ADAMTS9: variants seen among roughly 807,000 people sequenced by gnomAD.
ADAMTS9 encodes A disintegrin and metalloproteinase with thrombospondin motifs 9.
A neutral mutation model predicts 257.1 loss-of-function variants in ADAMTS9; 107 were observed. That is an observed-to-expected ratio of 0.42 (90% CI 0.36 to 0.49). The LOEUF is 0.49. Ranked by LOEUF, ADAMTS9 falls within the 20% of genes least tolerant of loss-of-function variation. The probability of loss-of-function intolerance (pLI) is 0.03; values close to 1 mark genes in which losing one functional copy is unlikely to be tolerated. For missense variants in ADAMTS9, 2,353 were observed against 2,469.1 expected (o/e 0.95, Z 1.00); for synonymous variants, 982 against 880.9 (o/e 1.11, Z -2.03).
At chr3:64,672,317 G>T (rs896195710) in intron 3 of ADAMTS9, among the ~76,000 whole-genome samples, 1 of 152,206 alleles carries the variant, frequency 6.6e-6, no homozygotes, top group Non-Finnish European at 1.5e-5. Flanking sequence ...AACAGGGAAA[G>T]GTCCTGAGAT....
chr3:64,627,090 G>GATAAAAAGGAGGAA (rs1309921789), intron 16 of ADAMTS9, among the ~76,000 whole-genome samples: 2 of 152,260 alleles, frequency 1.3e-5, no homozygotes, highest in Admixed American at 6.5e-5. Flanking sequence ...CTGATGTCTT[G>GATAAAAAGGAGGAA]ATAAAAAGGA....
At chr3:64,518,678 G>T (rs1229021800) in intron 39 of ADAMTS9, among the ~76,000 whole-genome samples, 2 of 152,004 alleles carry the variant, frequency 1.3e-5, no homozygotes, top group African/African-American at 4.8e-5. Context: ...GAGTAACAGG[G>T]GTGTGGCACA....
chr3:64,594,704 T>A (rs1169305890), intron 27 of ADAMTS9, among the ~76,000 whole-genome samples: 1 of 152,206 alleles, frequency 6.6e-6, no homozygotes, highest in East Asian at 1.9e-4. Flanking sequence ...GTGTAATTAT[T>A]TGCCCCATCT....
chr3:64,649,910 T>C, intron 9 of ADAMTS9, 132 bp from the exon 10 acceptor site: 1 of 1,136,646 alleles, frequency 8.8e-7, no homozygotes, highest in South Asian at 1.8e-5. Flanking sequence ...TGCTTTATTC[T>C]TTACATCCAA....
intron 8 of ADAMTS9, among the ~76,000 whole-genome samples, chr3:64,651,912 A>G (rs909846728): frequency 3.3e-5 from 5 of 152,204 alleles, no homozygotes; most frequent in African/African-American, 9.6e-5. Flanking sequence ...AAGGATTGCC[A>G]ACGTCCTTAT....
intron 38 of ADAMTS9, 163 bp from the exon 39 acceptor site, chr3:64,522,423 T>C (rs1394408509): frequency 1.9e-6 from 1 of 529,350 alleles, no homozygotes; most frequent in Non-Finnish European, 3.3e-6. Flanking sequence ...CTGGCAAACT[T>C]CAGCCTGTGA....
At chr3:64,566,026 C>T (rs2083537150) in intron 29 of ADAMTS9, among the ~76,000 whole-genome samples, 2 of 152,268 alleles carry the variant, frequency 1.3e-5, no homozygotes, top group African/African-American at 2.4e-5. Context: ...TATCATCAGA[C>T]CTTTCGATGT....
chr3:64,641,205 TC>T (rs751223140), intron 12 of ADAMTS9, among the ~76,000 whole-genome samples: 7 of 152,002 alleles, frequency 4.6e-5, no homozygotes, highest in Non-Finnish European at 4.4e-5. Context: ...TTTTTTTGTT[TC>T]CATGTGAAAA....
At chr3:64,626,338 A>G (rs1007090803) in intron 16 of ADAMTS9, among the ~76,000 whole-genome samples, 1 of 152,176 alleles carries the variant, frequency 6.6e-6, no homozygotes, top group South Asian at 2.1e-4. Context: ...ATTTTCCAAG[A>G]AGGGGGTCAA....
At position 64,615,994 on chromosome 3, in the gene ADAMTS9, T is replaced by C. The variant is rs149048192; in HGVS notation, c.2990A>G (p.Asn997Ser). ...GGCAGAATAGCGCCAGCCACCCGTGTTACATTCCCCTGAGCATTTTTCACG... is the reference window on the plus strand; with the variant it reads ...GGCAGAATAGCGCCAGCCACCCGTGCTACATTCCCCTGAGCATTTTTCACG... ...SNREKCSGEC[N>S]TGGWRYSAWT... The change falls in exon 20 of 40, where the codon AAC becomes AGC. Residue 997 changes from asparagine (N) to serine (S), a missense_variant. Asn to Ser is a conservative substitution (Grantham distance 46, BLOSUM62 1). This residue lies in a region of ADAMTS9 where 1,402 missense variants were observed against 1,441.4 expected (regional missense o/e 0.97). Transcript: ENST00000498707. The C allele has an allele frequency of 4.3e-4, 690 of 1,613,806 alleles. 13 individuals carry two copies. In the East Asian group the frequency reaches 0.013, roughly 30 times the overall value.
intron 12 of ADAMTS9, among the ~76,000 whole-genome samples, chr3:64,640,202 G>A (rs1196148893): frequency 6.6e-6 from 1 of 152,044 alleles, no homozygotes; most frequent in African/African-American, 2.4e-5. Flanking sequence ...ACCACTACAT[G>A]GACATGAAAT....
At chr3:64,637,742 A>G (rs1186812137) in intron 12 of ADAMTS9, among the ~76,000 whole-genome samples, 1 of 152,240 alleles carries the variant, frequency 6.6e-6, no homozygotes, top group Non-Finnish European at 1.5e-5. Context: ...GAGGTTTTTA[A>G]GAAGGGGCCT....
chr3:64,615,077 C>G (rs1038582749), intron 21 of ADAMTS9: 5 of 389,048 alleles, frequency 1.3e-5, no homozygotes, highest in African/African-American at 8.3e-5. Context: ...AAAATCACAA[C>G]AGAAGCTACA....
At chr3:64,614,408 AG>A (rs1242905462) in intron 21 of ADAMTS9, among the ~76,000 whole-genome samples, 1 of 152,352 alleles carries the variant, frequency 6.6e-6, no homozygotes, top group East Asian at 1.9e-4. Context: ...CTGCCATTTC[AG>A]GGGCATTAAG....
At chr3:64,529,277 T>C (rs1331409441) in intron 38 of ADAMTS9, among the ~76,000 whole-genome samples, 1 of 152,258 alleles carries the variant, frequency 6.6e-6, no homozygotes, top group Non-Finnish European at 1.5e-5. Flanking sequence ...TTTTGACCAG[T>C]TCTGCTCTTG....
At chr3:64,551,128 T>A (rs1242100229) in intron 30 of ADAMTS9, 66 bp from the exon 31 acceptor site, 6 of 1,531,092 alleles carry the variant, frequency 3.9e-6, no homozygotes, top group Non-Finnish European at 5.4e-6. Flanking sequence ...TGTAATTATG[T>A]GTTTACCTGT....
At chr3:64,632,257 C>G (rs1030223691) in intron 14 of ADAMTS9, among the ~76,000 whole-genome samples, 1 of 151,196 alleles carries the variant, frequency 6.6e-6, no homozygotes, top group African/African-American at 2.4e-5. Context: ...TAAGTAAGCA[C>G]AGTAATTTTT....
At chr3:64,569,385 C>G (rs1242655018) in intron 28 of ADAMTS9, among the ~76,000 whole-genome samples, 1 of 152,074 alleles carries the variant, frequency 6.6e-6, no homozygotes, top group Non-Finnish European at 1.5e-5. Context: ...CTCGGGTTTT[C>G]AAGACACATT....
At chr3:64,557,673 G>A (rs2083358362) in intron 30 of ADAMTS9, among the ~76,000 whole-genome samples, 2 of 152,298 alleles carry the variant, frequency 1.3e-5, no homozygotes, top group South Asian at 4.1e-4. Flanking sequence ...GTCGAATCAT[G>A]TCATCTCACC....
Sources: allele counts gnomAD v4.1 joint callset (sites outside exome capture counted in the v4.1 genomes callset), GRCh38; gene constraint gnomAD v4.1.1; regional missense constraint gnomAD v4.1.1; transcripts MANE v1.5; gene names NCBI Gene and HGNC (gene_info 2026-07-23, HGNC 2026-07-21).